PCBD2: variants seen among roughly 807,000 people sequenced by gnomAD.
PCBD2 encodes pterin-4-alpha-carbinolamine dehydratase 2.
In PCBD2, 12 loss-of-function variants were observed where a neutral mutation model predicts 16.4. That is an observed-to-expected ratio of 0.73 (90% CI 0.47 to 1.19). The LOEUF (loss-of-function observed/expected upper bound fraction) is 1.19, where lower values mean the gene tolerates loss of function less well. Among genes scored for constraint, PCBD2 ranks in the 50% most tolerant of loss-of-function variants. The probability of loss-of-function intolerance (pLI) is 0.00; values close to 1 mark genes in which losing one functional copy is unlikely to be tolerated. For synonymous variants in PCBD2, 58 were observed against 61.8 expected (o/e 0.94, Z 0.29); for missense variants, 138 against 156.8 (o/e 0.88, Z 0.64).
chr5:134,916,627 C>T (rs920684991), intron 2 of PCBD2, among the ~76,000 whole-genome samples: 1 of 152,220 alleles, frequency 6.6e-6, no homozygotes, highest in Non-Finnish European at 1.5e-5. Context: ...CACATTTGAA[C>T]TTCTTTTCTC....
rs58911694 is a variant in PCBD2 at position 134,962,072 on chromosome 5, T to TTGTGTGTGTGTGTGTG, written c.*1411_*1426dup. On this transcript the variant is annotated 3_prime_UTR_variant, in exon 4 of 4. Transcript: ENST00000254908. ...CATTGCCCCCAGCCAGTATAACAGT[T>TTGTGTGTGTGTGTGTG]TGTGTGTGTGTGTGTGTGTGTGTGT... Among the ~76,000 whole-genome samples the TTGTGTGTGTGTGTGTG allele has an allele frequency of 1.7e-3, 245 of 140,588 alleles. 1 individual carries two copies. Among genetic ancestry groups the TTGTGTGTGTGTGTGTG allele is most frequent in the African/African-American group, 4.3e-3 (159 of 37,060 alleles). The allele number at this position is 140,588 out of a possible 152,430, so 92.2% of individuals were successfully genotyped here.
intron 2 of PCBD2, among the ~76,000 whole-genome samples, chr5:134,914,818 C>T (rs1750808442): frequency 6.6e-6 from 1 of 151,986 alleles, no homozygotes; most frequent in Non-Finnish European, 1.5e-5. Context: ...ATTACAGGCG[C>T]CCGCCATCAT....
chr5:134,909,631 A>C (rs1750742638), intron 1 of PCBD2, among the ~76,000 whole-genome samples: 1 of 152,178 alleles, frequency 6.6e-6, no homozygotes, highest in Non-Finnish European at 1.5e-5. Flanking sequence ...GAGGTGATGT[A>C]GGGCCATCCA....
chr5:134,940,351 T>G (rs1751211003), intron 2 of PCBD2, among the ~76,000 whole-genome samples: 1 of 152,234 alleles, frequency 6.6e-6, no homozygotes, highest in Non-Finnish European at 1.5e-5. Flanking sequence ...CCTGGTTCTC[T>G]GGGTTGTACA....
At chr5:134,926,553 A>G (rs1750999826) in intron 2 of PCBD2, 1 of 395,724 alleles carries the variant, frequency 2.5e-6, no homozygotes. Flanking sequence ...GTTGTTAGAC[A>G]TGGGGATATG....
intron 2 of PCBD2, among the ~76,000 whole-genome samples, chr5:134,921,663 G>A (rs1580881009): frequency 6.6e-6 from 1 of 152,138 alleles, no homozygotes; most frequent in African/African-American, 2.4e-5. Context: ...GTTCCTCTCA[G>A]TAGCCACACC....
intron 2 of PCBD2, among the ~76,000 whole-genome samples, chr5:134,935,074 A>G (rs1052433683): frequency 7.9e-5 from 12 of 152,216 alleles, no homozygotes; most frequent in African/African-American, 2.9e-4. Context: ...CTACATTAAG[A>G]TCGGAAACCA....
At chr5:134,942,277 A>G (rs1053561857) in intron 2 of PCBD2, among the ~76,000 whole-genome samples, 2 of 152,044 alleles carry the variant, frequency 1.3e-5, no homozygotes, top group African/African-American at 4.8e-5. Context: ...GGAGCTGGAC[A>G]TAGGGGACTT....
At chr5:134,913,797 AAGT>A (rs1029265691) in intron 2 of PCBD2, among the ~76,000 whole-genome samples, 3 of 152,100 alleles carry the variant, frequency 2.0e-5, no homozygotes, top group African/African-American at 7.2e-5. Flanking sequence ...CATATTTTGA[AAGT>A]AGAATAATCA....
chr5:134,937,149 A>G (rs372476445), intron 2 of PCBD2, among the ~76,000 whole-genome samples: 1 of 152,378 alleles, frequency 6.6e-6, no homozygotes, highest in African/African-American at 2.4e-5. Context: ...TATGTAAAAT[A>G]GTATTGCATA....
At chr5:134,922,869 G>T (rs568147162) in intron 2 of PCBD2, among the ~76,000 whole-genome samples, 1 of 151,930 alleles carries the variant, frequency 6.6e-6, no homozygotes, top group African/African-American at 2.4e-5. Context: ...GTAGACACGG[G>T]GTTTCACCGT....
chr5:134,927,550 C>T (rs1384644752), intron 2 of PCBD2: 6 of 395,820 alleles, frequency 1.5e-5, no homozygotes, highest in Admixed American at 4.5e-5. Context: ...TAGATTAGTG[C>T]GATGAGTAGG....
At chr5:134,953,626 C>T (rs1333698808) in intron 2 of PCBD2, among the ~76,000 whole-genome samples, 1 of 151,990 alleles carries the variant, frequency 6.6e-6, no homozygotes, top group African/African-American at 2.4e-5. Context: ...GAAATCCTGT[C>T]TCTACTAAAA....
At chr5:134,932,197 T>A (rs1751106529) in intron 2 of PCBD2, among the ~76,000 whole-genome samples, 2 of 152,160 alleles carry the variant, frequency 1.3e-5, no homozygotes, top group Non-Finnish European at 1.5e-5. Context: ...TATTATTTTT[T>A]AAGAGATGGG....
At chr5:134,941,118 G>GAAAAA (rs764468793) in intron 2 of PCBD2, among the ~76,000 whole-genome samples, 4 of 80,192 alleles carry the variant, frequency 5.0e-5, no homozygotes, top group South Asian at 3.9e-4. Flanking sequence ...CCATCTCAAG[G>GAAAAA]AAAAAAAAAA....
intron 1 of PCBD2, 29 bp downstream of exon 1, chr5:134,905,252 G>A (rs1037423465): frequency 1.3e-4 from 157 of 1,222,898 alleles, no homozygotes; most frequent in Non-Finnish European, 1.6e-4. Flanking sequence ...CGTGGGTGGG[G>A]GTCCGGGGTC....
At chr5:134,928,779 A>G (rs1028963995) in intron 2 of PCBD2, among the ~76,000 whole-genome samples, 2 of 152,126 alleles carry the variant, frequency 1.3e-5, no homozygotes, top group African/African-American at 4.8e-5. Context: ...AGCTTGCAGT[A>G]AGCCAAGATC....
intron 2 of PCBD2, among the ~76,000 whole-genome samples, chr5:134,935,795 C>T (rs1247675381): frequency 6.6e-6 from 1 of 152,194 alleles, no homozygotes; most frequent in African/African-American, 2.4e-5. Flanking sequence ...ATTGGCTTGG[C>T]AGTCATCTTG....
At chr5:134,909,075 T>C (rs1407796383) in intron 1 of PCBD2, 1 of 152,270 alleles carries the variant, frequency 6.6e-6, no homozygotes, top group Non-Finnish European at 1.5e-5. Flanking sequence ...ATATCTTCTC[T>C]CTGGCCCTGA....
Sources: allele counts gnomAD v4.1 joint callset (sites outside exome capture counted in the v4.1 genomes callset), GRCh38; gene constraint gnomAD v4.1.1; transcripts MANE v1.5; gene names NCBI Gene and HGNC (gene_info 2026-07-23, HGNC 2026-07-21).